The following LIMK1 variants were observed in gnomAD, a reference collection of about 807,000 sequenced individuals.
The protein encoded by LIMK1 is LIM domain kinase 1, also known as LIM motif-containing protein kinase.
A neutral mutation model predicts 77.6 loss-of-function variants in LIMK1; 21 were observed. The ratio of observed to expected loss-of-function variants is 0.27; its 90% CI spans 0.19 to 0.39. The LOEUF (loss-of-function observed/expected upper bound fraction) is 0.39. Ranked by LOEUF, LIMK1 falls within the 10% of genes least tolerant of loss-of-function variation. LIMK1 has a pLI of 1.00. For synonymous variants in LIMK1, 358 were observed against 370.0 expected (o/e 0.97, Z 0.37); for missense variants, 696 against 901.6 (o/e 0.77, Z 2.92).
intron 2 of LIMK1, among the ~76,000 whole-genome samples, chr7:74,088,670 C>T (rs985343436): frequency 1.3e-5 from 2 of 151,818 alleles, no homozygotes; most frequent in African/African-American, 4.8e-5. Context: ...GGCATGGTGG[C>T]ACATGACTGT....
intron 2 of LIMK1, among the ~76,000 whole-genome samples, chr7:74,095,497 C>CA (rs1799320623): frequency 6.6e-6 from 1 of 152,228 alleles, no homozygotes; most frequent in Admixed American, 6.5e-5. Flanking sequence ...GCCTTCAACT[C>CA]CTGGGCTCAA....
chr7:74,105,383 T>G lies in LIMK1; in HGVS notation c.609-492T>G, dbSNP rs965936157. Among the ~76,000 whole-genome samples the G allele has an allele frequency of 3.3e-5, 5 of 151,930 alleles. No homozygotes were observed. In the East Asian group the frequency reaches 9.7e-4, roughly 29 times the overall value. On this transcript the variant is annotated intron_variant, in intron 5 of 15. Coordinates refer to ENST00000336180, the MANE Select transcript of LIMK1 (RefSeq NM_002314.4). Reference sequence around the variant, plus strand: ...AAAAAATTAGCTGGGTGTGGTGGTGTGCACCTGTAATCCCAGCTACTCAGG... The same window carrying G: ...AAAAAATTAGCTGGGTGTGGTGGTGGGCACCTGTAATCCCAGCTACTCAGG...
chr7:74,111,297 G>A (rs1398646968), intron 10 of LIMK1: 3 of 256,774 alleles, frequency 1.2e-5, no homozygotes, highest in African/African-American at 6.5e-5. Flanking sequence ...AATTAGCTGG[G>A]TGTGGTGGCG....
chr7:74,115,926 A>G lies in LIMK1; in HGVS notation c.1535A>G (p.Asn512Ser), dbSNP rs1554699389. The change falls in exon 13 of 16, where the codon AAC (asparagine) becomes AGC (serine). Residue 512 changes from asparagine (N) to serine (S), a missense_variant. Asn to Ser is a conservative substitution (Grantham distance 46). Coordinates refer to ENST00000336180, the MANE Select transcript of LIMK1 (RefSeq NM_002314.4). ...AAGAAGCGCTACACCGTGGTGGGCAACCCCTACTGGATGGCACCTGAGATG... is the reference window on the plus strand; with the variant it reads ...AAGAAGCGCTACACCGTGGTGGGCAGCCCCTACTGGATGGCACCTGAGATG... ...DRKKRYTVVG[N>S]PYWMAPEMIN... The G allele has an allele frequency of 1.2e-6, 2 of 1,614,072 alleles. No homozygotes were observed. Among genetic ancestry groups the G allele is most frequent in the Admixed American group, 1.7e-5 (1 of 59,992 alleles).
chr7:74,114,547 G>A (rs1799768711), intron 12 of LIMK1, among the ~76,000 whole-genome samples: 1 of 134,872 alleles, frequency 7.4e-6, no homozygotes, highest in Admixed American at 7.6e-5. Flanking sequence ...GGGAGACTCT[G>A]CCTCAAAAAA....
chr7:74,096,971 T>C (rs782062898), intron 3 of LIMK1, 109 bp from the exon 4 acceptor site: 49 of 1,049,542 alleles, frequency 4.7e-5, no homozygotes, highest in Non-Finnish European at 6.2e-5. Context: ...GCCAGCCGGG[T>C]CCCTGCAGTT....
Position 74,099,356 on chromosome 7 carries a change from G to C in LIMK1, c.608+118G>C, listed in dbSNP as rs558423798. On this transcript the variant is annotated intron_variant, in intron 5 of 15. Transcript: ENST00000336180. ...GGGCGAGTGTTTGGGTACAGATGGGGCCCAGTTCTGACAACCTGGTTTGCC... is the reference window on the plus strand; with the variant it reads ...GGGCGAGTGTTTGGGTACAGATGGGCCCCAGTTCTGACAACCTGGTTTGCC... 201 of 978,614 alleles carry C rather than the reference G, an allele frequency of 2.1e-4. No individual in the cohort carries two copies. The East Asian group carries it at 4.3e-3, about 21-fold the overall frequency. The allele number at this position is 978,614 out of a possible 1,614,324, so 60.6% of individuals were successfully genotyped here. A position where few individuals can be genotyped will look rare whatever the true frequency, so the allele number is the denominator to read the frequency against.
intron 2 of LIMK1, chr7:74,093,218 G>C: frequency 6.5e-7 from 1 of 1,535,432 alleles, no homozygotes; most frequent in Non-Finnish European, 8.7e-7. Flanking sequence ...CCCTCCCTTA[G>C]ACCTCCAGAG....
intron 13 of LIMK1, among the ~76,000 whole-genome samples, chr7:74,119,530 A>G (rs1799890310): frequency 6.6e-6 from 1 of 151,832 alleles, no homozygotes. Flanking sequence ...TTCCCATTTT[A>G]CAATAAGGAA....
At chr7:74,119,231 T>C in intron 13 of LIMK1, among the ~76,000 whole-genome samples, 1 of 143,658 alleles carries the variant, frequency 7.0e-6, no homozygotes, top group East Asian at 2.1e-4. Context: ...CAGGCTGGAG[T>C]ACAGTGGCGT....
At chr7:74,115,691 G>C in intron 12 of LIMK1, 111 bp from the exon 13 acceptor site, 1 of 1,186,846 alleles carries the variant, frequency 8.4e-7, no homozygotes, top group East Asian at 2.4e-5. Flanking sequence ...CAGCGTATCA[G>C]AGGTATGTTC....
intron 2 of LIMK1, chr7:74,093,268 C>G: frequency 6.5e-7 from 1 of 1,536,010 alleles, no homozygotes; most frequent in African/African-American, 1.4e-5. Flanking sequence ...GGCTTCAGCC[C>G]CAAGAAGACG....
In LIMK1 at chr7:74,097,177, C is replaced by T; in HGVS notation, c.389C>T (p.Ser130Phe). The change falls in exon 4 of 16, where the codon TCC becomes TTC. Residue 130 changes from serine to phenylalanine, a missense_variant. By Grantham distance (155) the Ser-to-Phe change is radical. This residue lies in a region of LIMK1 where 252 missense variants were observed against 279.4 expected (regional missense o/e 0.90). Coordinates refer to ENST00000336180, the MANE Select transcript of LIMK1 (RefSeq NM_002314.4). ...DGDTYTLVEHSKLYCGHCYYQ... is the reference protein window; with the variant it reads ...DGDTYTLVEHFKLYCGHCYYQ... ...GACACCTACACGCTGGTGGAGCACTCCAAGCTGTACTGGTGAGTGCCTTGG... is the reference window on the plus strand; with the variant it reads ...GACACCTACACGCTGGTGGAGCACTTCAAGCTGTACTGGTGAGTGCCTTGG... The T allele has an allele frequency of 6.2e-7, 1 of 1,609,216 alleles. No homozygotes were observed. Among genetic ancestry groups the T allele is most frequent in the Non-Finnish European group, 8.5e-7 (1 of 1,177,800 alleles).
Position 74,092,182 on chromosome 7 carries a change from C to A in LIMK1, c.153-4440C>A, listed in dbSNP as rs1799251362. Among the ~76,000 whole-genome samples, 3 of 151,864 alleles carry A rather than the reference C, an allele frequency of 2.0e-5. No individual in the cohort carries two copies. In the South Asian group the frequency reaches 6.2e-4, roughly 32 times the overall value. On this transcript the variant is annotated intron_variant, in intron 2 of 15. Coordinates refer to ENST00000336180, the MANE Select transcript of LIMK1 (RefSeq NM_002314.4). ...GGTTTCACCATGTTAGCCAGGCTGG[C>A]CTCAAACTCCTGACCTCAAGCGATC...
chr7:74,115,012 C>G (rs1799778856), intron 12 of LIMK1, among the ~76,000 whole-genome samples: 1 of 151,910 alleles, frequency 6.6e-6, no homozygotes, highest in Admixed American at 6.6e-5. Flanking sequence ...CCACTTGAGG[C>G]CAGAAGTTGA....
At chr7:74,092,990 TG>T in intron 2 of LIMK1, 1 of 612,534 alleles carries the variant, frequency 1.6e-6, no homozygotes, top group Non-Finnish European at 2.6e-6. Flanking sequence ...GCTCCCTGCC[TG>T]GGGTCCAAGC....
intron 5 of LIMK1, among the ~76,000 whole-genome samples, chr7:74,103,637 A>G (rs1422709486): frequency 6.6e-6 from 1 of 151,690 alleles, no homozygotes; most frequent in Non-Finnish European, 1.5e-5. Flanking sequence ...GTTCCCAAAA[A>G]CCCTTCCCCA....
In LIMK1 at chr7:74,096,674, C is replaced by A; in HGVS notation, c.205C>A (p.Gln69Lys). ...GCACCAGTACTATGAGAAGGATGGGCAGCTCTTCTGCAAGAAGGACTACTG... is the reference window on the plus strand; with the variant it reads ...GCACCAGTACTATGAGAAGGATGGGAAGCTCTTCTGCAAGAAGGACTACTG... Reference protein sequence around the residue: ...LSHQYYEKDGQLFCKKDYWAR... With the variant: ...LSHQYYEKDGKLFCKKDYWAR... The change falls in exon 3 of 16, where the codon CAG becomes AAG. Residue 69 changes from glutamine to lysine, a missense_variant. Around this residue, in one of 3 missense-constraint regions of LIMK1, gnomAD observed 252 missense variants for 279.4 expected, o/e 0.90. Coordinates refer to ENST00000336180, the MANE Select transcript of LIMK1 (RefSeq NM_002314.4). 1 of 1,614,098 alleles carries A rather than the reference C, an allele frequency of 6.2e-7. No individual in the cohort carries two copies. Among genetic ancestry groups the A allele is most frequent in the East Asian group, 2.2e-5 (1 of 44,870 alleles).
At chr7:74,119,240 G>A (rs1237492741) in intron 13 of LIMK1, among the ~76,000 whole-genome samples, 12 of 149,850 alleles carry the variant, frequency 8.0e-5, no homozygotes, top group East Asian at 2.0e-4. Flanking sequence ...GTACAGTGGC[G>A]TGATCTCGGC....
Sources: allele counts gnomAD v4.1 joint callset (sites outside exome capture counted in the v4.1 genomes callset), GRCh38; gene constraint gnomAD v4.1.1; regional missense constraint gnomAD v4.1.1; transcripts MANE v1.5; gene names NCBI Gene and HGNC (gene_info 2026-07-23, HGNC 2026-07-21).